The following POLR3H variants were observed in gnomAD, a reference collection of about 807,000 sequenced individuals.
POLR3H encodes the protein RNA polymerase III subunit H, also known as DNA-directed RNA polymerase III subunit RPC8.
A neutral mutation model predicts 25.5 loss-of-function variants in POLR3H; 17 were observed. The ratio of observed to expected loss-of-function variants is 0.67; its 90% CI spans 0.46 to 1.00. The LOEUF is 1.00. POLR3H is among the 50% of genes least tolerant of loss of function. POLR3H has a pLI of 0.00. For missense variants in POLR3H, 274 were observed against 265.0 expected, an observed-to-expected ratio of 1.03 and a Z score of -0.24; for synonymous variants, 129 against 103.0, an observed-to-expected ratio of 1.25 and a Z score of -1.53.
intron 2 of POLR3H, among the ~76,000 whole-genome samples, chr22:41,537,629 G>C (rs76215995): frequency 6.6e-6 from 1 of 152,170 alleles, no homozygotes; most frequent in Non-Finnish European, 1.5e-5. Flanking sequence ...GAGAAGCAGA[G>C]GTACCCGCCC....
At chr22:41,533,511 T>C in intron 2 of POLR3H, 1 of 1,219,572 alleles carries the variant, frequency 8.2e-7, no homozygotes. Flanking sequence ...ACCTGGTCTT[T>C]CTGTACCCAC....
At chr22:41,532,303 C>G (rs2066751686) in intron 3 of POLR3H, 146 bp from the exon 4 acceptor site, 1 of 799,514 alleles carries the variant, frequency 1.3e-6, no homozygotes, top group Non-Finnish European at 2.1e-6. Flanking sequence ...CCTTCCCCAC[C>G]TAATGCCTCT....
In POLR3H at chr22:41,530,694, G is replaced by A. The variant is rs200820170; in HGVS notation, c.554C>T (p.Thr185Met). ...EELPKKEAPY[T>M]LVGSISEPGL... ...ACCATCAGAGCCACTCACCACAAGCGTGTACGGAGCCTCCTTCTTTGGCAG... is the reference window on the plus strand; with the variant it reads ...ACCATCAGAGCCACTCACCACAAGCATGTACGGAGCCTCCTTCTTTGGCAG... Residue 185 changes from threonine (T) to methionine (M), a missense_variant, in exon 5 of 6, where the codon ACG becomes ATG. By Grantham distance (81) the Thr-to-Met change is moderately conservative. Coordinates refer to ENST00000355209, the MANE Select transcript of POLR3H (RefSeq NM_001018050.4). 23 of 1,612,778 alleles carry A rather than the reference G, an allele frequency of 1.4e-5. No homozygotes were observed. The highest frequency in any genetic ancestry group is 8.9e-5 in the East Asian group (4 of 44,888).
Position 41,544,096 on chromosome 22 carries a change from G to T in POLR3H, c.6C>A (p.Phe2Leu), listed in dbSNP as rs774581528. Residue 2 changes from phenylalanine to leucine, a missense_variant, in exon 1 of 6, where the codon TTC becomes TTA. Transcript: ENST00000355209. M[F>L]VLVEMVDTVR... is the part of the protein sequence containing the mutation. ...CGGTGTCCACCATTTCCACCAGGAC[G>T]AACATCCCGGCCTGCGCTGGGGGCT... 4.4e-6 allele frequency: 7 copies of T among 1,606,352 alleles called. No individual in the cohort carries two copies. The highest frequency in any genetic ancestry group is 1.6e-4 in the Middle Eastern group (1 of 6,064).
chr22:41,527,213 C>T lies in POLR3H; in HGVS notation c.*2070G>A. The T allele has an allele frequency of 1.2e-6, 2 of 1,608,732 alleles. No homozygotes were observed. Among genetic ancestry groups the T allele is most frequent in the South Asian group, 2.2e-5 (2 of 90,648 alleles). ...ATGCCCAGGCGCCAGGTGGGTGAGG[C>T]CAGGCAGGTAGGGCCAGACAGGTGA... On this transcript the variant is annotated 3_prime_UTR_variant, in exon 6 of 6. Coordinates refer to ENST00000355209, the MANE Select transcript of POLR3H (RefSeq NM_001018050.4).
chr22:41,533,801 A>G (rs2066792074), intron 2 of POLR3H: 9 of 907,400 alleles, frequency 9.9e-6, no homozygotes, highest in Non-Finnish European at 1.4e-5. Context: ...ACAGATGGAA[A>G]AACCCTGTCC....
chr22:41,529,646 C>T (rs759839672), intron 5 of POLR3H: 1 of 670,632 alleles, frequency 1.5e-6, no homozygotes, highest in African/African-American at 1.7e-5. Flanking sequence ...ACACAAGGCC[C>T]ATGCTCCAGA....
intron 5 of POLR3H, among the ~76,000 whole-genome samples, chr22:41,530,385 G>C (rs1027939074): frequency 3.9e-5 from 6 of 152,200 alleles, no homozygotes; most frequent in African/African-American, 1.2e-4. Context: ...TGGGATTATA[G>C]ATGTGAGCCA....
chr22:41,535,477 A>T (rs1360698701), intron 2 of POLR3H, among the ~76,000 whole-genome samples: 1 of 152,258 alleles, frequency 6.6e-6, no homozygotes, highest in Non-Finnish European at 1.5e-5. Context: ...AGGGATGTGT[A>T]GCCTGCAGAG....
At chr22:41,537,272 C>T (rs560953713) in intron 2 of POLR3H, among the ~76,000 whole-genome samples, 1 of 151,776 alleles carries the variant, frequency 6.6e-6, no homozygotes, top group Non-Finnish European at 1.5e-5. Flanking sequence ...AGGAGGAAGG[C>T]TCTATTACTG....
chr22:41,534,416 A>G (rs2066805829), intron 2 of POLR3H, among the ~76,000 whole-genome samples: 1 of 152,170 alleles, frequency 6.6e-6, no homozygotes, highest in Non-Finnish European at 1.5e-5. Context: ...GAACCTTCAC[A>G]TGGGGCCAAG....
Position 41,528,445 on chromosome 22 carries a change from AC to A in POLR3H, c.*837del. The A allele has an allele frequency of 6.2e-7, 1 of 1,608,418 alleles. No individual in the cohort carries two copies. The highest frequency in any genetic ancestry group is 1.7e-5 in the Admixed American group (1 of 59,800). On this transcript the variant is annotated 3_prime_UTR_variant, in exon 6 of 6. Transcript: ENST00000355209. ...GCGGGGCCAAGGGCACACAGTACCC[AC>A]CACTTCCACCCACACCCACCTTCTC... is the stretch of plus-strand genomic sequence containing the variant.
chr22:41,530,565 C>G (rs2066707049), intron 5 of POLR3H, 122 bp downstream of exon 5: 1 of 934,890 alleles, frequency 1.1e-6, no homozygotes, highest in Non-Finnish European at 1.6e-6. Context: ...CCAAGACCCC[C>G]CAAACAGGAT....
At chr22:41,529,998 G>A (rs545827119) in intron 5 of POLR3H, among the ~76,000 whole-genome samples, 251 of 151,930 alleles carry the variant, frequency 1.7e-3, no homozygotes, top group African/African-American at 4.2e-3. Context: ...CTCGTGATCC[G>A]CCCACCTTGG....
At chr22:41,530,089 C>T (rs2066697299) in intron 5 of POLR3H, among the ~76,000 whole-genome samples, 2 of 151,786 alleles carry the variant, frequency 1.3e-5, no homozygotes, top group Admixed American at 1.3e-4. Context: ...TTGATCTCTC[C>T]CAAGCCCCTT....
chr22:41,536,305 G>C (rs558789494), intron 2 of POLR3H, among the ~76,000 whole-genome samples: 2 of 151,832 alleles, frequency 1.3e-5, no homozygotes, highest in African/African-American at 4.8e-5. Flanking sequence ...TGAGGCAGGA[G>C]AATGGCGTGA....
chr22:41,544,559 T>G (rs937727425), upstream of POLR3H: 13 of 153,372 alleles, frequency 8.5e-5, no homozygotes, highest in African/African-American at 3.1e-4. Context: ...GGGGCGGGGC[T>G]GCCTGTGTGC....
At chr22:41,529,865 C>T (rs2066689663) in intron 5 of POLR3H, among the ~76,000 whole-genome samples, 1 of 152,010 alleles carries the variant, frequency 6.6e-6, no homozygotes, top group South Asian at 2.1e-4. Flanking sequence ...ACACCATTCT[C>T]CTGCCTCAGC....
At chr22:41,540,662 C>A in intron 2 of POLR3H, 37 bp downstream of exon 2, 1 of 1,514,220 alleles carries the variant, frequency 6.6e-7, no homozygotes, top group Non-Finnish European at 9.2e-7. Flanking sequence ...AACTGAGCCC[C>A]AAGAAGCCCA....
Sources: gnomAD v4.1 joint callset for allele counts (sites outside exome capture counted in the v4.1 genomes callset) on GRCh38, gnomAD v4.1.1 for gene constraint, MANE v1.5 for transcripts, NCBI Gene and HGNC (gene_info 2026-07-23, HGNC 2026-07-21) for gene names.